Variants in CFAP299 observed in about 807,000 individuals in gnomAD.
CFAP299 encodes cilia and flagella associated protein 299.
Under a neutral mutation model 27.0 loss-of-function variants are expected in CFAP299, and 21 were observed. The ratio of observed to expected loss-of-function variants is 0.78; its 90% CI spans 0.55 to 1.12. The LOEUF is 1.12. Among genes scored for constraint, CFAP299 ranks in the 50% most tolerant of loss-of-function variants. The pLI is 0.00. For synonymous variants in CFAP299, 104 were observed against 98.1 expected (o/e 1.06, Z -0.36); for missense variants, 310 against 276.6 (o/e 1.12, Z -0.86).
At chr4:80,850,228 TG>T (rs70956069) in intron 3 of CFAP299, among the ~76,000 whole-genome samples, 30,385 of 151,022 alleles carry the variant, frequency 0.2, 4,354 homozygotes, top group African/African-American at 0.4. Flanking sequence ...TTTATGGCGG[TG>T]GGGGGGGTGA....
At chr4:80,323,461 A>T in the CFAP299 span, among the ~76,000 whole-genome samples, 41 of 152,304 alleles carry the variant, frequency 2.7e-4, no homozygotes, top group Non-Finnish European at 4.7e-4. Context: ...CTAGACACAC[A>T]CTGGTATTTG....
intron 3 of CFAP299, among the ~76,000 whole-genome samples, chr4:80,864,535 C>T (rs967147284): frequency 2.8e-5 from 4 of 145,152 alleles, no homozygotes; most frequent in Non-Finnish European, 6.0e-5. Context: ...TATACATATA[C>T]GTATATATAG....
At chr4:80,349,745 G>A (rs1412775525) in intron 1 of CFAP299, among the ~76,000 whole-genome samples, 26 of 152,100 alleles carry the variant, frequency 1.7e-4, no homozygotes, top group Admixed American at 1.7e-3. Context: ...AACTTGATAA[G>A]GAGTATTTTC....
At position 80,669,967 on chromosome 4, in the gene CFAP299, C is replaced by T. The variant is rs186348749; in HGVS notation, c.333+86784C>T. ...TATAAAAAAAAAACCCGTAGTGCGT[C>T]GTGAATTTTATGGAATTTTTTTTCA... On this transcript the variant is annotated intron_variant, in intron 3 of 5. Coordinates refer to ENST00000358105, the MANE Select transcript of CFAP299 (RefSeq NM_152770.3). Among the ~76,000 whole-genome samples, 167 of 150,332 alleles carry T rather than the reference C, an allele frequency of 1.1e-3. 1 individual carries two copies. The highest frequency in any genetic ancestry group is 3.8e-3 in the African/African-American group (158 of 41,096).
rs1435285713 is a variant in CFAP299, at chr4:80,868,905, C to CTCTCTCTGTGTG, written c.334-1087_334-1086insCTCTCTGTGTGT. ...ATTCCATGGGTGGGGGCTTCTCTCT[C>CTCTCTCTGTGTG]TGTGTGTGTGTGTGTGTGTGTGTGT... On this transcript the variant is annotated intron_variant, in intron 3 of 5. Transcript: ENST00000358105. Among the ~76,000 whole-genome samples, 35 of 137,680 alleles carry CTCTCTCTGTGTG rather than the reference C, an allele frequency of 2.5e-4. No individual in the cohort carries two copies. In the Middle Eastern group the frequency reaches 0.011, roughly 42 times the overall value. The allele number at this position is 137,680 out of a possible 152,430, so 90.3% of individuals were successfully genotyped here.
intron 2 of CFAP299, among the ~76,000 whole-genome samples, chr4:80,428,842 A>G (rs1320580738): frequency 6.6e-6 from 1 of 152,224 alleles, no homozygotes; most frequent in East Asian, 1.9e-4. Context: ...CCAGGCCAAC[A>G]TTGCATTCTT....
intron 3 of CFAP299, among the ~76,000 whole-genome samples, chr4:80,674,040 A>T (rs1719221382): frequency 6.6e-6 from 1 of 152,092 alleles, no homozygotes; most frequent in Non-Finnish European, 1.5e-5. Context: ...TAATATTGTT[A>T]TGTGTGAATT....
At chr4:80,692,577 A>G (rs201753532) in intron 3 of CFAP299, among the ~76,000 whole-genome samples, 14,950 of 152,204 alleles carry the variant, frequency 0.098, 1,104 homozygotes, top group East Asian at 0.23. Flanking sequence ...CGTTAGACCT[A>G]AAACCATAAA....
intron 3 of CFAP299, among the ~76,000 whole-genome samples, chr4:80,677,935 C>T (rs1193169258): frequency 1.3e-5 from 2 of 152,052 alleles, no homozygotes; most frequent in Non-Finnish European, 2.9e-5. Context: ...CTGCAGTGTG[C>T]TGCTGAAAGC....
intron 3 of CFAP299, among the ~76,000 whole-genome samples, chr4:80,866,477 A>G (rs140528502): frequency 4.1e-4 from 62 of 152,224 alleles, no homozygotes; most frequent in African/African-American, 1.5e-3. Flanking sequence ...AGGCTGCTCA[A>G]TGGCCAAACT....
intron 3 of CFAP299, among the ~76,000 whole-genome samples, chr4:80,778,856 C>T (rs909517885): frequency 6.6e-6 from 1 of 151,946 alleles, no homozygotes; most frequent in African/African-American, 2.4e-5. Flanking sequence ...CTGAGATTGC[C>T]CCAGTTTTAC....
In CFAP299 at chr4:80,603,855, G is replaced by A. The variant is rs184057643; in HGVS notation, c.333+20672G>A. 5.1e-3 allele frequency among the ~76,000 whole-genome samples: 770 copies of A among 152,090 alleles called. 4 individuals carry two copies. Among genetic ancestry groups the A allele is most frequent in the Middle Eastern group, 0.02 (6 of 294 alleles). Reference sequence around the variant, plus strand: ...CTATCTCTCTTGGTATCTCCATTTAGGAAAGCAGGAAAAACAATCTCTAGA... The same window carrying A: ...CTATCTCTCTTGGTATCTCCATTTAAGAAAGCAGGAAAAACAATCTCTAGA... On this transcript the variant is annotated intron_variant, in intron 3 of 5. Coordinates refer to ENST00000358105, the MANE Select transcript of CFAP299 (RefSeq NM_152770.3).
intron 2 of CFAP299, among the ~76,000 whole-genome samples, chr4:80,491,176 T>G (rs569029931): frequency 1.4e-4 from 22 of 152,132 alleles, no homozygotes; most frequent in Non-Finnish European, 2.8e-4. Flanking sequence ...AAGACCCACA[T>G]TTTATGTAAT....
chr4:80,880,014 T>C (rs1733612197), intron 4 of CFAP299, among the ~76,000 whole-genome samples: 1 of 151,990 alleles, frequency 6.6e-6, no homozygotes, highest in Non-Finnish European at 1.5e-5. Context: ...AATTCCAGGA[T>C]AAACTGAGTA....
At chr4:80,665,384 C>T (rs920333708) in intron 3 of CFAP299, among the ~76,000 whole-genome samples, 13 of 151,994 alleles carry the variant, frequency 8.6e-5, no homozygotes, top group African/African-American at 2.4e-4. Context: ...TAATGTATTC[C>T]TTTCCACATT....
intron 2 of CFAP299, chr4:80,387,649 G>A (rs556188052): frequency 1.3e-6 from 2 of 1,533,106 alleles, no homozygotes; most frequent in East Asian, 2.3e-5. Context: ...TACCTTGTGG[G>A]TCTGCATGTG....
At chr4:80,706,754 A>T (rs554040483) in intron 3 of CFAP299, among the ~76,000 whole-genome samples, 34 of 151,980 alleles carry the variant, frequency 2.2e-4, no homozygotes, top group African/African-American at 8.2e-4. Context: ...ATATTTATTG[A>T]GTGGGCTTAT....
At chr4:80,930,119 G>T (rs2110217889) in intron 4 of CFAP299, among the ~76,000 whole-genome samples, 1 of 152,250 alleles carries the variant, frequency 6.6e-6, no homozygotes, top group Middle Eastern at 3.4e-3. Context: ...GAGAGGGGCT[G>T]AAGGTTAAGT....
chr4:80,618,690 G>A (rs945675414), intron 3 of CFAP299, among the ~76,000 whole-genome samples: 7 of 152,018 alleles, frequency 4.6e-5, no homozygotes, highest in African/African-American at 1.7e-4. Context: ...TTAGCCACAT[G>A]AACTCCAATT....
Sources: allele counts gnomAD v4.1 joint callset (sites outside exome capture counted in the v4.1 genomes callset), GRCh38; gene constraint gnomAD v4.1.1; transcripts MANE v1.5; gene names NCBI Gene and HGNC (gene_info 2026-07-23, HGNC 2026-07-21).